The following RGS6 variants were observed in gnomAD, a reference collection of about 807,000 sequenced individuals.
RGS6 encodes regulator of G protein signaling 6.
RGS6 carries 30 observed loss-of-function variants against 78.5 expected under a neutral mutation model. The ratio of observed to expected loss-of-function variants is 0.38; its 90% confidence interval spans 0.29 to 0.52. RGS6 has a LOEUF of 0.52. Ranked by LOEUF, RGS6 falls within the 20% of genes least tolerant of loss-of-function variation. The pLI is 0.85. For synonymous variants in RGS6, 206 were observed against 206.0 expected, an observed-to-expected ratio of 1.00 and a Z score of 0.00; for missense variants, 495 against 609.7, an observed-to-expected ratio of 0.81 and a Z score of 1.98.
intron 2 of RGS6, among the ~76,000 whole-genome samples, chr14:72,313,419 G>A (rs1488358160): frequency 6.6e-6 from 1 of 152,146 alleles, no homozygotes; most frequent in African/African-American, 2.4e-5. Context: ...CCACTTAGTG[G>A]GCACTCAGTA....
chr14:72,056,369 T>G (rs1200156569), intron 2 of RGS6, among the ~76,000 whole-genome samples: 1 of 152,208 alleles, frequency 6.6e-6, no homozygotes, highest in Non-Finnish European at 1.5e-5. Flanking sequence ...ACATTCTTTC[T>G]TAATCTGCCA....
At chr14:72,389,782 C>A (rs1009575585) in intron 3 of RGS6, among the ~76,000 whole-genome samples, 3 of 152,190 alleles carry the variant, frequency 2.0e-5, no homozygotes, top group African/African-American at 7.2e-5. Context: ...CAACAAAAAA[C>A]TGTGGCTAGC....
At chr14:72,306,049 C>T (rs988185015) in intron 2 of RGS6, among the ~76,000 whole-genome samples, 5 of 152,208 alleles carry the variant, frequency 3.3e-5, no homozygotes, top group South Asian at 2.1e-4. Context: ...GACAGGCTGA[C>T]TCTCTTGTTA....
intron 2 of RGS6, among the ~76,000 whole-genome samples, chr14:72,013,253 A>C (rs924860177): frequency 2.1e-5 from 3 of 139,966 alleles, no homozygotes; most frequent in East Asian, 4.3e-4. Flanking sequence ...CCTAGGTGAC[A>C]GAACAAGACT....
At chr14:72,135,179 A>G (rs1317769472) in intron 2 of RGS6, among the ~76,000 whole-genome samples, 2 of 152,118 alleles carry the variant, frequency 1.3e-5, no homozygotes. Flanking sequence ...GAGTTTGCCA[A>G]CCCCTTGGAT....
chr14:71,877,792 G>T, the RGS6 span, among the ~76,000 whole-genome samples: 2 of 152,188 alleles, frequency 1.3e-5, no homozygotes, highest in Non-Finnish European at 2.9e-5. Flanking sequence ...TTTCTGCTCT[G>T]GTTTCTCCCC....
chr14:71,908,232 T>C, the RGS6 span: 1 of 152,260 alleles, frequency 6.6e-6, no homozygotes, highest in South Asian at 2.1e-4. Flanking sequence ...AACATTAGGT[T>C]TGACACCATC....
At chr14:72,327,938 T>C (rs1343783353) in intron 2 of RGS6, among the ~76,000 whole-genome samples, 3 of 151,840 alleles carry the variant, frequency 2.0e-5, no homozygotes, top group Admixed American at 1.3e-4. Context: ...TATATAAGGA[T>C]TTATTGTGGG....
chr14:72,066,338 T>C (rs2094143484), intron 2 of RGS6, among the ~76,000 whole-genome samples: 1 of 152,142 alleles, frequency 6.6e-6, no homozygotes, highest in African/African-American at 2.4e-5. Flanking sequence ...TAAAGGTTTT[T>C]ACGTCTATAT....
At chr14:72,570,205 T>C (rs1423976909), downstream of RGS6, among the ~76,000 whole-genome samples, 2 of 152,208 alleles carry the variant, frequency 1.3e-5, no homozygotes, top group Admixed American at 6.5e-5. Flanking sequence ...ATTTACATTG[T>C]ATTAAGTATT....
chr14:72,155,321 C>T (rs1231512487), intron 2 of RGS6, among the ~76,000 whole-genome samples: 1 of 152,212 alleles, frequency 6.6e-6, no homozygotes, highest in Non-Finnish European at 1.5e-5. Context: ...CCGAGGTTAA[C>T]ATCAGATAAT....
intron 1 of RGS6, among the ~76,000 whole-genome samples, chr14:71,953,291 GC>G (rs896382062): frequency 7.9e-5 from 12 of 152,218 alleles, no homozygotes; most frequent in African/African-American, 2.6e-4. Context: ...AATGTAAAGG[GC>G]TAAATAGTAA....
Position 72,436,124 on chromosome 14 carries a change from C to T in RGS6, c.185-18404C>T, listed in dbSNP as rs140005692. ...CTGATGCTTTAGCAGCCATTGTGAA[C>T]CATGAGGTGGCCTTGCGGATGGAAG... On this transcript the variant is annotated intron_variant, in intron 3 of 17. Coordinates refer to ENST00000553525, the MANE Select transcript of RGS6 (RefSeq NM_001204424.2). Among the ~76,000 whole-genome samples the T allele has an allele frequency of 6.4e-3, 975 of 152,268 alleles. 8 individuals are homozygous for T. Among genetic ancestry groups the T allele is most frequent in the Middle Eastern group, 0.01 (3 of 294 alleles).
At chr14:71,986,012 C>T (rs1382934925) in intron 2 of RGS6, among the ~76,000 whole-genome samples, 1 of 152,274 alleles carries the variant, frequency 6.6e-6, no homozygotes, top group East Asian at 1.9e-4. Context: ...GTTCTGCAGC[C>T]AAGTTTGAAG....
At chr14:71,981,285 C>CT (rs574016851) in intron 2 of RGS6, among the ~76,000 whole-genome samples, 174 of 152,330 alleles carry the variant, frequency 1.1e-3, no homozygotes, top group African/African-American at 3.9e-3. Flanking sequence ...CTCCGTCCAG[C>CT]TTTGTTCCGT....
chr14:72,331,509 A>G (rs961604497), intron 2 of RGS6, among the ~76,000 whole-genome samples: 4 of 152,172 alleles, frequency 2.6e-5, no homozygotes, highest in African/African-American at 9.7e-5. Flanking sequence ...GCAGAAAGCC[A>G]CAGCTGCATC....
the RGS6 span, among the ~76,000 whole-genome samples, chr14:71,870,423 G>T: frequency 6.6e-6 from 1 of 152,080 alleles, no homozygotes; most frequent in Non-Finnish European, 1.5e-5. Context: ...TGTGTTTTGG[G>T]GTATAGGAGG....
At chr14:72,205,635 T>C (rs2153746026) in intron 2 of RGS6, among the ~76,000 whole-genome samples, 1 of 152,318 alleles carries the variant, frequency 6.6e-6, no homozygotes, top group South Asian at 2.1e-4. Context: ...ATTCAGATGA[T>C]TGCATATTTA....
chr14:72,141,378 G>T (rs2096537131), intron 2 of RGS6, among the ~76,000 whole-genome samples: 1 of 152,116 alleles, frequency 6.6e-6, no homozygotes, highest in Non-Finnish European at 1.5e-5. Flanking sequence ...TGGAGCCTTG[G>T]ATCCTGTCAG....
Sources: allele counts gnomAD v4.1 joint callset (sites outside exome capture counted in the v4.1 genomes callset), GRCh38; gene constraint gnomAD v4.1.1; transcripts MANE v1.5; gene names NCBI Gene and HGNC (gene_info 2026-07-23, HGNC 2026-07-21).